The following SLC4A10 variants were observed in gnomAD, a reference collection of about 807,000 sequenced individuals.
The protein encoded by SLC4A10 is solute carrier family 4 member 10.
SLC4A10 carries 42 observed loss-of-function variants against 137.7 expected under a neutral mutation model. That is an observed-to-expected ratio of 0.30 (90% CI 0.24 to 0.39). The LOEUF (loss-of-function observed/expected upper bound fraction) is 0.39. Among genes scored for constraint, SLC4A10 ranks in the 10% least tolerant of loss-of-function variants. SLC4A10 has a pLI of 1.00. For synonymous variants in SLC4A10, 474 were observed against 464.1 expected, an observed-to-expected ratio of 1.02 and a Z score of -0.27; for missense variants, 925 against 1,355.0, an observed-to-expected ratio of 0.68 and a Z score of 4.98.
chr2:161,781,830 C>G (rs1574938880), intron 2 of SLC4A10, among the ~76,000 whole-genome samples: 1 of 152,042 alleles, frequency 6.6e-6, no homozygotes, highest in East Asian at 1.9e-4. Flanking sequence ...AATGCAAAAT[C>G]AGATCCATCG....
chr2:161,787,870 T>A (rs1245192408), intron 2 of SLC4A10, among the ~76,000 whole-genome samples: 2 of 152,154 alleles, frequency 1.3e-5, no homozygotes, highest in Admixed American at 1.3e-4. Flanking sequence ...TCATTGCACT[T>A]CTTTAGAATC....
intron 1 of SLC4A10, among the ~76,000 whole-genome samples, chr2:161,676,433 T>G (rs1347727608): frequency 6.6e-6 from 1 of 152,222 alleles, no homozygotes; most frequent in Non-Finnish European, 1.5e-5. Flanking sequence ...ACTTCTCATT[T>G]CTTTTTCTTA....
chr2:161,873,530 CAAAAAAAA>C (rs759717096), intron 7 of SLC4A10, among the ~76,000 whole-genome samples: 202 of 17,324 alleles, frequency 0.012, 2 homozygotes, highest in African/African-American at 0.045. Context: ...GACCACATCT[CAAAAAAAA>C]AAAAAAAAAA....
intron 4 of SLC4A10, among the ~76,000 whole-genome samples, chr2:161,854,364 C>A: frequency 6.6e-6 from 1 of 152,122 alleles, no homozygotes; most frequent in East Asian, 1.9e-4. Context: ...CAAGGTTCTT[C>A]TCTGATTATC....
At chr2:161,899,249 A>G (rs1188916594) in intron 11 of SLC4A10, among the ~76,000 whole-genome samples, 1 of 152,020 alleles carries the variant, frequency 6.6e-6, no homozygotes, top group African/African-American at 2.4e-5. Flanking sequence ...TTTTATTAGC[A>G]TACAATACTA....
At chr2:161,681,298 C>A (rs2040823328) in intron 1 of SLC4A10, among the ~76,000 whole-genome samples, 2 of 152,144 alleles carry the variant, frequency 1.3e-5, no homozygotes, top group African/African-American at 4.8e-5. Context: ...ACTTAATCAT[C>A]ATGTGGCATT....
chr2:161,809,824 T>A (rs2056369372), intron 3 of SLC4A10, among the ~76,000 whole-genome samples: 1 of 152,172 alleles, frequency 6.6e-6, no homozygotes, highest in South Asian at 2.1e-4. Flanking sequence ...GCCTCTGACT[T>A]TGTTCTTTTT....
intron 1 of SLC4A10, among the ~76,000 whole-genome samples, chr2:161,724,430 CAT>C (rs1278304575): frequency 6.6e-6 from 1 of 152,204 alleles, no homozygotes; most frequent in African/African-American, 2.4e-5. Context: ...AGTTTCGTCA[CAT>C]GTTTATTCAC....
chr2:161,837,219 CAA>C, intron 3 of SLC4A10, among the ~76,000 whole-genome samples: 1 of 151,954 alleles, frequency 6.6e-6, no homozygotes, highest in South Asian at 2.1e-4. Flanking sequence ...GTGGAACCTA[CAA>C]AAAAATTAGA....
chr2:161,971,283 G>A (rs1211369449), intron 23 of SLC4A10, among the ~76,000 whole-genome samples: 2 of 152,166 alleles, frequency 1.3e-5, no homozygotes, highest in Admixed American at 6.5e-5. Flanking sequence ...ACTGGACATA[G>A]CATTAATTGT....
chr2:161,666,684 A>G (rs989528833), intron 1 of SLC4A10, among the ~76,000 whole-genome samples: 3 of 151,748 alleles, frequency 2.0e-5, no homozygotes, highest in African/African-American at 7.2e-5. Context: ...AAAGAGTATG[A>G]GACATTTAAT....
intron 15 of SLC4A10, among the ~76,000 whole-genome samples, chr2:161,927,086 C>A (rs894084382): frequency 2.6e-5 from 4 of 152,088 alleles, no homozygotes; most frequent in Non-Finnish European, 5.9e-5. Flanking sequence ...TCTGTATTTT[C>A]TGAATCTGAA....
In SLC4A10 at chr2:161,867,439, A is replaced by C. The variant is rs1186929463; in HGVS notation, c.766+4377A>C. ...GAGATTGCTTGAAAGAAAACTTATT[A>C]AAAGATTTGTGTATATTAAATAATT... On this transcript the variant is annotated intron_variant, in intron 6 of 26. Coordinates refer to ENST00000446997, the MANE Select transcript of SLC4A10 (RefSeq NM_001178015.2). Among the ~76,000 whole-genome samples, 3 of 152,032 alleles carry C rather than the reference A, an allele frequency of 2.0e-5. No homozygotes were observed. In the East Asian group the frequency reaches 5.8e-4, roughly 29 times the overall value.
chr2:161,783,828 G>A (rs1422338291), intron 2 of SLC4A10, among the ~76,000 whole-genome samples: 1 of 151,482 alleles, frequency 6.6e-6, no homozygotes, highest in Non-Finnish European at 1.5e-5. Flanking sequence ...GAGAGCAAGA[G>A]AGGAAAAAAT....
chr2:161,717,706 G>A (rs2045089011), intron 1 of SLC4A10, among the ~76,000 whole-genome samples: 1 of 152,110 alleles, frequency 6.6e-6, no homozygotes, highest in Non-Finnish European at 1.5e-5. Context: ...GCATTTTCTT[G>A]AAGATTTTTG....
Position 161,862,980 on chromosome 2 carries a change from A to T in SLC4A10, c.684A>T (p.Lys228Asn), listed in dbSNP as rs377627238. The change falls in exon 6 of 27, where the codon AAA becomes AAT. Residue 228 changes from lysine (K) to asparagine (N), a missense_variant. Coordinates refer to ENST00000446997, the MANE Select transcript of SLC4A10 (RefSeq NM_001178015.2). ...MKQHHHQNQK[K>N]LTNRIPIVRS... is the part of the protein sequence containing the mutation. ...AGCATCATCATCAGAATCAGAAAAA[A>T]CTCACCAACAGGATTCCCATTGTTC... 1.2e-6 allele frequency: 2 copies of T among 1,613,558 alleles called. No homozygotes were observed. The highest frequency in any genetic ancestry group is 1.3e-5 in the African/African-American group (1 of 74,820).
chr2:161,978,384 C>CAAAAA (rs61399867), intron 26 of SLC4A10, among the ~76,000 whole-genome samples: 3,319 of 90,246 alleles, frequency 0.037, 151 homozygotes, highest in South Asian at 0.061. Context: ...GAGACTCTGT[C>CAAAAA]AAAAAAAAAA....
At chr2:161,876,338 G>C (rs959268055) in intron 8 of SLC4A10, among the ~76,000 whole-genome samples, 20 of 152,118 alleles carry the variant, frequency 1.3e-4, no homozygotes, top group African/African-American at 4.8e-4. Context: ...AATTTTATAA[G>C]AGGTCACATT....
chr2:161,679,826 T>C (rs946682553), intron 1 of SLC4A10, among the ~76,000 whole-genome samples: 3 of 151,926 alleles, frequency 2.0e-5, no homozygotes, highest in African/African-American at 7.2e-5. Context: ...GTCTTGTTAC[T>C]TGTAGTCATT....
Sources: gnomAD v4.1 joint callset for allele counts (sites outside exome capture counted in the v4.1 genomes callset) on GRCh38, gnomAD v4.1.1 for gene constraint, MANE v1.5 for transcripts, NCBI Gene and HGNC (gene_info 2026-07-23, HGNC 2026-07-21) for gene names.